Variants in VTI1A observed in about 807,000 individuals in gnomAD.
VTI1A encodes vesicle transport through interaction with t-SNAREs 1A, also known as vesicle transport through interaction with t-SNAREs homolog 1A.
VTI1A carries 22 observed loss-of-function variants against 34.9 expected under a neutral mutation model. The ratio of observed to expected loss-of-function variants is 0.63; its 90% CI spans 0.45 to 0.90. The LOEUF is 0.90. VTI1A is among the 40% of genes least tolerant of loss of function. The pLI, the probability that VTI1A is intolerant of heterozygous loss-of-function variation, is 0.00. For synonymous variants in VTI1A, 87 were observed against 97.3 expected (o/e 0.89, Z 0.62); for missense variants, 268 against 275.6 (o/e 0.97, Z 0.20).
At chr10:112,792,864 G>C (rs1852535756) in intron 7 of VTI1A, among the ~76,000 whole-genome samples, 1 of 152,240 alleles carries the variant, frequency 6.6e-6, no homozygotes, top group South Asian at 2.1e-4. Flanking sequence ...CTGCCTGTCT[G>C]AGAAAGCAAA....
At chr10:112,555,005 T>C (rs189953288) in intron 5 of VTI1A, among the ~76,000 whole-genome samples, 188 of 152,226 alleles carry the variant, frequency 1.2e-3, no homozygotes, top group Middle Eastern at 6.8e-3. Flanking sequence ...ATTTTACTTA[T>C]TAGAAGAATG....
chr10:112,855,031 A>C, the VTI1A span, among the ~76,000 whole-genome samples: 1 of 152,262 alleles, frequency 6.6e-6, no homozygotes, highest in African/African-American at 2.4e-5. Context: ...AGTTCTTCCC[A>C]AGTCAGCTTG....
intron 7 of VTI1A, among the ~76,000 whole-genome samples, chr10:112,736,260 C>T (rs1341147121): frequency 1.3e-5 from 2 of 151,544 alleles, no homozygotes; most frequent in African/African-American, 4.9e-5. Flanking sequence ...GTCCACCTTA[C>T]CTAATATCTC....
At chr10:112,453,845 C>T (rs996452551) in intron 1 of VTI1A, among the ~76,000 whole-genome samples, 10 of 152,088 alleles carry the variant, frequency 6.6e-5, no homozygotes, top group Admixed American at 6.5e-4. Flanking sequence ...CACATTACTC[C>T]CGGGGTGTTG....
chr10:112,749,139 T>C lies in VTI1A; in HGVS notation c.561-66151T>C, dbSNP rs562573045. Among the ~76,000 whole-genome samples the C allele has an allele frequency of 7.9e-5, 12 of 152,292 alleles. No individual in the cohort carries two copies. In the South Asian group the frequency reaches 2.5e-3, roughly 32 times the overall value. On this transcript the variant is annotated intron_variant, in intron 7 of 7. Transcript: ENST00000393077. ...CTGTTTAAATATATGCATTAATACA[T>C]GAACCAAGGACAACCACATCACTTC...
intron 7 of VTI1A, among the ~76,000 whole-genome samples, chr10:112,770,607 C>T (rs577756008): frequency 2.0e-5 from 3 of 151,306 alleles, no homozygotes; most frequent in Non-Finnish European, 4.4e-5. Flanking sequence ...AGGGTTTCAC[C>T]GTGTTAGCCA....
intron 7 of VTI1A, among the ~76,000 whole-genome samples, chr10:112,733,372 A>G (rs957538928): frequency 1.3e-5 from 2 of 152,140 alleles, no homozygotes; most frequent in Admixed American, 6.5e-5. Context: ...CCCCATGCCC[A>G]TTAAACAGTT....
At chr10:112,552,622 C>A (rs574213084) in intron 5 of VTI1A, among the ~76,000 whole-genome samples, 35 of 151,546 alleles carry the variant, frequency 2.3e-4, no homozygotes, top group African/African-American at 5.3e-4. Flanking sequence ...AAAAAAAAAA[C>A]CATTGACTCT....
intron 1 of VTI1A, among the ~76,000 whole-genome samples, chr10:112,451,583 G>T (rs1208804002): frequency 6.6e-6 from 1 of 152,184 alleles, no homozygotes; most frequent in Non-Finnish European, 1.5e-5. Flanking sequence ...ATCCCAAGGG[G>T]GGCAGTCGGA....
intron 5 of VTI1A, among the ~76,000 whole-genome samples, chr10:112,664,455 T>C (rs956100809): frequency 6.6e-6 from 1 of 152,196 alleles, no homozygotes; most frequent in Non-Finnish European, 1.5e-5. Context: ...GATGGTATTA[T>C]TATTTTATGA....
intron 7 of VTI1A, among the ~76,000 whole-genome samples, chr10:112,707,407 A>G (rs1177372185): frequency 1.3e-5 from 2 of 151,952 alleles, no homozygotes; most frequent in Admixed American, 6.6e-5. Flanking sequence ...GATCTTGGCT[A>G]ACTGCAACCT....
intron 7 of VTI1A, chr10:112,737,957 C>G (rs1850556624): frequency 4.3e-6 from 4 of 938,430 alleles, no homozygotes; most frequent in Non-Finnish European, 5.1e-6. Flanking sequence ...GGCGGGGATG[C>G]TTAGGGCCTC....
chr10:112,760,090 A>G (rs1851409645), intron 7 of VTI1A, among the ~76,000 whole-genome samples: 1 of 152,224 alleles, frequency 6.6e-6, no homozygotes, highest in South Asian at 2.1e-4. Flanking sequence ...AATATATGGG[A>G]GTCCACACGA....
chr10:112,852,723 C>T, the VTI1A span, among the ~76,000 whole-genome samples: 3 of 152,206 alleles, frequency 2.0e-5, no homozygotes, highest in African/African-American at 7.2e-5. Context: ...GGGATTGCTC[C>T]TCTCCCATTG....
rs1469479939 is a variant in VTI1A, at chr10:112,817,665, T to C, written c.*2282T>C. On this transcript the variant is annotated 3_prime_UTR_variant, in exon 8 of 8. Transcript: ENST00000393077. ...CCTCCTGGACACTGCAGAAAAGACT[T>C]AGGGGATCCCCAGCAGAGGCCAATT... 8 of 228,506 alleles carry C rather than the reference T, an allele frequency of 3.5e-5. No homozygotes were observed. The highest frequency in any genetic ancestry group is 1.6e-4 in the African/African-American group (7 of 45,108). The allele number at this position is 228,506 out of a possible 1,614,324, so 14.2% of individuals were successfully genotyped here. A position where few individuals can be genotyped will look rare whatever the true frequency, so the allele number is the denominator to read the frequency against.
intron 7 of VTI1A, among the ~76,000 whole-genome samples, chr10:112,692,170 G>A (rs1320046651): frequency 2.6e-5 from 4 of 152,196 alleles, no homozygotes; most frequent in African/African-American, 9.7e-5. Flanking sequence ...ACCCTAGAGT[G>A]TAGATTAAAA....
At position 112,604,683 on chromosome 10, in the gene VTI1A, A is replaced by G. The variant is rs145079810; in HGVS notation, c.428-63535A>G. ...CTGTATACGAGTCTATTACTAGAAA[A>G]CAAAGGAATAAATGAGGAGAAAATA... On this transcript the variant is annotated intron_variant, in intron 5 of 7. Coordinates refer to ENST00000393077, the MANE Select transcript of VTI1A (RefSeq NM_145206.4). Among the ~76,000 whole-genome samples the G allele has an allele frequency of 3.6e-3, 556 of 152,354 alleles. 1 individual carries two copies. Among genetic ancestry groups the G allele is most frequent in the Middle Eastern group, 6.8e-3 (2 of 294 alleles).
At chr10:112,635,635 C>A (rs1483120496) in intron 5 of VTI1A, among the ~76,000 whole-genome samples, 1 of 152,096 alleles carries the variant, frequency 6.6e-6, no homozygotes, top group Non-Finnish European at 1.5e-5. Context: ...GAGGCTTTTG[C>A]ACTGGTCTTT....
At chr10:112,527,188 CGGTG>C in intron 4 of VTI1A, 24 bp downstream of exon 4, 1 of 1,609,638 alleles carries the variant, frequency 6.2e-7, no homozygotes, top group Non-Finnish European at 8.5e-7. Context: ...CAGGAAGGCC[CGGTG>C]GGTGGCTGGA....
Sources: gnomAD v4.1 joint callset for allele counts (sites outside exome capture counted in the v4.1 genomes callset) on GRCh38, gnomAD v4.1.1 for gene constraint, MANE v1.5 for transcripts, NCBI Gene and HGNC (gene_info 2026-07-23, HGNC 2026-07-21) for gene names.